Variants in FMNL2 observed in about 807,000 individuals in gnomAD.
FMNL2 encodes the protein formin-like protein 2.
A neutral mutation model predicts 130.2 loss-of-function variants in FMNL2; 51 were observed. The ratio of observed to expected loss-of-function variants is 0.39; its 90% CI spans 0.31 to 0.49. The LOEUF is 0.49. Ranked by LOEUF, FMNL2 falls within the 20% of genes least tolerant of loss-of-function variation. The probability of loss-of-function intolerance (pLI) is 0.85; values close to 1 mark genes in which losing one functional copy is unlikely to be tolerated. For synonymous variants in FMNL2, 465 were observed against 467.1 expected, an observed-to-expected ratio of 1.00 and a Z score of 0.06; for missense variants, 977 against 1,316.2, an observed-to-expected ratio of 0.74 and a Z score of 3.99.
In FMNL2 at chr2:152,629,846, T is replaced by C. The variant is rs1682048106; in HGVS notation, c.2491T>C (p.Tyr831His). 6.2e-7 allele frequency: 1 copy of C among 1,612,986 alleles called. No individual in the cohort carries two copies. The highest frequency in any genetic ancestry group is 1.3e-5 in the African/African-American group (1 of 74,926). ...ILEIILALGN[Y>H]MNSSKRGAVY... ...GCAGATCATCTTAGCCCTTGGAAAC[T>C]ACATGAATAGCAGTAAAAGAGGAGC... Residue 831 changes from tyrosine (Y) to histidine (H), a missense_variant, in exon 20 of 26, where the codon TAC becomes CAC. This residue lies in a region of FMNL2 where 689 missense variants were observed against 995.9 expected (regional missense o/e 0.69). Coordinates refer to ENST00000288670, the MANE Select transcript of FMNL2 (RefSeq NM_052905.4).
rs962153175 is a variant in FMNL2, at chr2:152,452,166, ATCCCCGAAAGACAGTTGAGGGACTTGC to A, written c.118-69749_118-69723del. On this transcript the variant is annotated intron_variant, in intron 1 of 25. Transcript: ENST00000288670. The stretch of plus-strand genomic sequence containing the variant: ...GTGTTAGAATCTTTTTTCTTTCCCC[ATCCCCGAAAGACAGTTGAGGGACTTGC>A]TCCCCGAAAGACAGTTGAGGGACTT... Among the ~76,000 whole-genome samples the A allele has an allele frequency of 3.2e-4, 48 of 152,228 alleles. 1 individual carries two copies. The South Asian group carries it at 7.5e-3, about 24-fold the overall frequency.
At chr2:152,625,815 T>C (rs1559021226) in intron 16 of FMNL2, among the ~76,000 whole-genome samples, 1 of 152,130 alleles carries the variant, frequency 6.6e-6, no homozygotes, top group African/African-American at 2.4e-5. Context: ...CCACAGAATA[T>C]AGATCTGACA....
chr2:152,424,144 A>C (rs968689661), intron 1 of FMNL2, among the ~76,000 whole-genome samples: 1 of 152,120 alleles, frequency 6.6e-6, no homozygotes, highest in Non-Finnish European at 1.5e-5. Context: ...TCTCGGCCTC[A>C]AAGGGAAAAT....
At chr2:152,375,031 G>A (rs1363842084) in intron 1 of FMNL2, among the ~76,000 whole-genome samples, 1 of 152,216 alleles carries the variant, frequency 6.6e-6, no homozygotes, top group Admixed American at 6.5e-5. Context: ...TCCCATTGGT[G>A]AGATGTTGTT....
In FMNL2 at chr2:152,546,976, C is replaced by T. The variant is rs1489991681; in HGVS notation, c.283-2045C>T. 5.6e-5 allele frequency among the ~76,000 whole-genome samples: 8 copies of T among 143,988 alleles called. No homozygotes were observed. The East Asian group carries it at 1.0e-3, about 18-fold the overall frequency. 94.5% of individuals were successfully genotyped at this position (143,988 alleles called of 152,430 possible). On this transcript the variant is annotated intron_variant, in intron 3 of 25. Transcript: ENST00000288670. ...TTTTTTTTTTTTTGAGATGGAGTCT[C>T]GCTCTGTCACCCCGGATGGAGTGCA...
At chr2:152,636,782 TC>T (rs1415792668) in intron 22 of FMNL2, among the ~76,000 whole-genome samples, 192 bp downstream of exon 22, 7 of 152,154 alleles carry the variant, frequency 4.6e-5, no homozygotes, top group African/African-American at 1.7e-4. Context: ...GTCCTCATTG[TC>T]CTTTTCTAAT....
chr2:152,555,106 G>C (rs1695134315), intron 4 of FMNL2, among the ~76,000 whole-genome samples: 1 of 152,214 alleles, frequency 6.6e-6, no homozygotes, highest in Non-Finnish European at 1.5e-5. Flanking sequence ...TTTGGTTGCA[G>C]CAGTTTTATA....
At chr2:152,602,740 GT>G (rs1270374168) in intron 9 of FMNL2, among the ~76,000 whole-genome samples, 1 of 152,180 alleles carries the variant, frequency 6.6e-6, no homozygotes, top group Non-Finnish European at 1.5e-5. Flanking sequence ...TGATGTACAC[GT>G]GCAAATATGC....
intron 6 of FMNL2, among the ~76,000 whole-genome samples, chr2:152,574,252 A>G (rs145045575): frequency 0.011 from 1,688 of 152,268 alleles, 31 homozygotes; most frequent in African/African-American, 0.038. Context: ...CCTGGCCAAC[A>G]TGGGGAAACT....
At chr2:152,581,130 A>G (rs1696754720) in intron 9 of FMNL2, 81 bp downstream of exon 9, 2 of 1,280,552 alleles carry the variant, frequency 1.6e-6, no homozygotes, top group Non-Finnish European at 2.2e-6. Flanking sequence ...TTACCTTTTC[A>G]TTTATCCTAG....
intron 1 of FMNL2, among the ~76,000 whole-genome samples, chr2:152,389,556 T>G (rs1318676305): frequency 6.6e-6 from 1 of 152,230 alleles, no homozygotes; most frequent in Admixed American, 6.5e-5. Flanking sequence ...CGAATTCTTA[T>G]GTACCTTTTA....
intron 1 of FMNL2, among the ~76,000 whole-genome samples, chr2:152,344,179 C>G (rs963272482): frequency 6.6e-6 from 1 of 152,110 alleles, no homozygotes; most frequent in Non-Finnish European, 1.5e-5. Context: ...AAAACAGAAA[C>G]CCACAAATGC....
Position 152,542,814 on chromosome 2 carries a change from A to G in FMNL2, c.277A>G (p.Arg93Gly), listed in dbSNP as rs778413967. ...LKGYLDPAVTRKKFRRRVQES... is the reference protein window; with the variant it reads ...LKGYLDPAVTGKKFRRRVQES... The stretch of plus-strand genomic sequence containing the variant: ...AGGCTATCTGGATCCAGCTGTAACC[A>G]GGAAGGTAAGATGGATTTGTTTCCA... The change falls in exon 3 of 26, where the codon AGG becomes GGG. Residue 93 changes from arginine (R) to glycine (G), a missense_variant. Physicochemically the swap from Arg to Gly is moderately radical, Grantham distance 125. This residue lies in a region of FMNL2 where 117 missense variants were observed against 134.9 expected (regional missense o/e 0.87). Coordinates refer to ENST00000288670, the MANE Select transcript of FMNL2 (RefSeq NM_052905.4). 1 of 1,613,844 alleles carries G rather than the reference A, an allele frequency of 6.2e-7. No homozygotes were observed. Among genetic ancestry groups the G allele is most frequent in the Non-Finnish European group, 8.5e-7 (1 of 1,179,754 alleles).
At chr2:152,606,489 G>A (rs1698361518) in intron 9 of FMNL2, among the ~76,000 whole-genome samples, 1 of 152,146 alleles carries the variant, frequency 6.6e-6, no homozygotes, top group Admixed American at 6.5e-5. Flanking sequence ...AGCTGAGGCA[G>A]GAGGATTGCC....
chr2:152,482,155 A>T (rs896993552), intron 1 of FMNL2, among the ~76,000 whole-genome samples: 1 of 152,220 alleles, frequency 6.6e-6, no homozygotes, highest in Admixed American at 6.5e-5. Flanking sequence ...AAAGTTTCAA[A>T]TTCCTAAATG....
intron 2 of FMNL2, among the ~76,000 whole-genome samples, chr2:152,526,564 C>T (rs1345959813): frequency 6.6e-6 from 1 of 152,132 alleles, no homozygotes; most frequent in Non-Finnish European, 1.5e-5. Flanking sequence ...TCCTTCTATC[C>T]TCTGGCTAAC....
At chr2:152,501,491 G>T (rs2346205) in intron 1 of FMNL2, among the ~76,000 whole-genome samples, 129,242 of 152,164 alleles carry the variant, frequency 0.85, 55,509 homozygotes, top group Admixed American at 0.92. Flanking sequence ...CTATTCAATT[G>T]TTAAGTTTAT....
intron 1 of FMNL2, among the ~76,000 whole-genome samples, chr2:152,352,665 A>ACTGTT (rs1036577352): frequency 8.5e-5 from 13 of 152,120 alleles, no homozygotes; most frequent in African/African-American, 2.4e-4. Flanking sequence ...GAATAAAGCC[A>ACTGTT]CTGTTCACTA....
chr2:152,367,379 G>A (rs1683619677), intron 1 of FMNL2, among the ~76,000 whole-genome samples: 1 of 152,098 alleles, frequency 6.6e-6, no homozygotes, highest in South Asian at 2.1e-4. Context: ...ATCTTTGAGT[G>A]GAAATAGCTG....
Sources: gnomAD v4.1 joint callset for allele counts (sites outside exome capture counted in the v4.1 genomes callset) on GRCh38, gnomAD v4.1.1 for gene constraint, gnomAD v4.1.1 regional missense constraint, MANE v1.5 for transcripts, NCBI Gene and HGNC (gene_info 2026-07-23, HGNC 2026-07-21) for gene names.